Variants in NME7 observed in about 807,000 individuals in gnomAD.
The protein encoded by NME7 is nucleoside diphosphate kinase 7.
Under a neutral mutation model 49.1 loss-of-function variants are expected in NME7, and 41 were observed. The observed-to-expected ratio is 0.83, with a 90% CI of 0.65 to 1.08. The LOEUF is 1.08. Among genes scored for constraint, NME7 ranks in the 50% least tolerant of loss-of-function variants. NME7 has a pLI of 0.00. For synonymous variants in NME7, 139 were observed against 150.6 expected (o/e 0.92, Z 0.56); for missense variants, 423 against 463.4 (o/e 0.91, Z 0.80).
chr1:169,187,057 T>A (rs575577393), intron 10 of NME7, among the ~76,000 whole-genome samples: 226 of 152,326 alleles, frequency 1.5e-3, no homozygotes, highest in African/African-American at 5.2e-3. Flanking sequence ...AGTTTCCATG[T>A]AGTTGTGCAG....
At chr1:169,246,580 G>C (rs983418062) in intron 7 of NME7, among the ~76,000 whole-genome samples, 1 of 152,122 alleles carries the variant, frequency 6.6e-6, no homozygotes, top group Non-Finnish European at 1.5e-5. Flanking sequence ...TTACAAGGTA[G>C]TAAAAAGAGT....
At chr1:169,235,265 C>T in intron 8 of NME7, 66 bp from the exon 9 acceptor site, 2 of 730,468 alleles carry the variant, frequency 2.7e-6, no homozygotes, top group Non-Finnish European at 2.2e-6. Context: ...AAATAAGCCA[C>T]ACTTAGCACT....
intron 7 of NME7, among the ~76,000 whole-genome samples, chr1:169,265,641 A>G (rs977001367): frequency 9.0e-5 from 12 of 132,650 alleles, no homozygotes; most frequent in African/African-American, 3.0e-4. Flanking sequence ...CAAGAGCTAA[A>G]ATGGAGGAGA....
At chr1:169,248,932 T>A (rs952662501) in intron 7 of NME7, among the ~76,000 whole-genome samples, 3 of 151,980 alleles carry the variant, frequency 2.0e-5, no homozygotes, top group African/African-American at 7.2e-5. Context: ...CTTGTTTGTT[T>A]GTTTTTTTGC....
chr1:169,157,757 A>G (rs1659121568), intron 11 of NME7, among the ~76,000 whole-genome samples: 1 of 152,370 alleles, frequency 6.6e-6, no homozygotes, highest in Middle Eastern at 3.4e-3. Flanking sequence ...CTGTCAGTTA[A>G]GTCCTGAAAG....
At chr1:169,334,080 T>C (rs539728061) in intron 1 of NME7, among the ~76,000 whole-genome samples, 3 of 152,360 alleles carry the variant, frequency 2.0e-5, no homozygotes, top group East Asian at 1.9e-4. Context: ...ATGGATTCCA[T>C]AATGCATGAT....
chr1:169,269,633 T>G (rs946528198), intron 7 of NME7, among the ~76,000 whole-genome samples: 1 of 133,118 alleles, frequency 7.5e-6, no homozygotes, highest in Non-Finnish European at 1.8e-5. Context: ...CAGTGGATAG[T>G]AAAACTCTGA....
At chr1:169,352,150 A>C (rs1211397897) in intron 1 of NME7, among the ~76,000 whole-genome samples, 1 of 152,062 alleles carries the variant, frequency 6.6e-6, no homozygotes, top group East Asian at 1.9e-4. Context: ...ACTACAGAAC[A>C]ATATCTCTAA....
chr1:169,215,110 A>G (rs927658984), intron 10 of NME7, among the ~76,000 whole-genome samples: 3 of 152,214 alleles, frequency 2.0e-5, no homozygotes, highest in Non-Finnish European at 2.9e-5. Flanking sequence ...AGTAGCTCTC[A>G]GTGGAAAGGG....
At chr1:169,169,759 A>G (rs1659523131) in intron 10 of NME7, among the ~76,000 whole-genome samples, 1 of 152,228 alleles carries the variant, frequency 6.6e-6, no homozygotes, top group Non-Finnish European at 1.5e-5. Context: ...TTATCAATAG[A>G]TTATGGGAAT....
intron 1 of NME7, among the ~76,000 whole-genome samples, chr1:169,344,672 AT>A (rs1336056557): frequency 3.3e-5 from 5 of 152,096 alleles, no homozygotes; most frequent in Admixed American, 3.3e-4. Flanking sequence ...TGTTATATTC[AT>A]TGATTTTTGA....
At chr1:169,306,684 G>A (rs985896081) in intron 4 of NME7, among the ~76,000 whole-genome samples, 13 of 152,130 alleles carry the variant, frequency 8.5e-5, no homozygotes, top group Non-Finnish European at 1.9e-4. Flanking sequence ...GTGATCATAT[G>A]GACATGCATG....
intron 11 of NME7, among the ~76,000 whole-genome samples, chr1:169,141,193 C>T (rs2420009): frequency 1.3e-5 from 2 of 151,642 alleles, no homozygotes; most frequent in African/African-American, 4.8e-5. Flanking sequence ...TAGGTGCCTC[C>T]GAAATCAGAG....
intron 10 of NME7, among the ~76,000 whole-genome samples, chr1:169,194,007 AC>A (rs1660305530): frequency 6.6e-6 from 1 of 152,250 alleles, no homozygotes; most frequent in East Asian, 1.9e-4. Context: ...ACTGAAAGGC[AC>A]TTTTTATGAG....
At chr1:169,298,862 A>G in intron 5 of NME7, 99 bp from the exon 6 acceptor site, 2 of 957,508 alleles carry the variant, frequency 2.1e-6, no homozygotes, top group South Asian at 3.3e-5. Flanking sequence ...TTCAACATAG[A>G]CATGAATATT....
At chr1:169,325,646 C>T (rs889435574) in intron 1 of NME7, among the ~76,000 whole-genome samples, 2 of 152,018 alleles carry the variant, frequency 1.3e-5, no homozygotes, top group Non-Finnish European at 2.9e-5. Context: ...TCTGGATTTG[C>T]CATCTGATGC....
At chr1:169,159,703 C>T (rs569407000) in intron 11 of NME7, among the ~76,000 whole-genome samples, 2 of 152,232 alleles carry the variant, frequency 1.3e-5, no homozygotes, top group South Asian at 4.2e-4. Flanking sequence ...CCTTGGAGTC[C>T]GCAGGATAAG....
At chr1:169,193,703 A>T (rs1466035506) in intron 10 of NME7, among the ~76,000 whole-genome samples, 5 of 152,144 alleles carry the variant, frequency 3.3e-5, no homozygotes, top group African/African-American at 1.2e-4. Context: ...GCTATGCTCC[A>T]TTCCTAATGT....
chr1:169,134,235 T>A (rs1474493198), intron 11 of NME7, among the ~76,000 whole-genome samples: 1 of 152,222 alleles, frequency 6.6e-6, no homozygotes, highest in Non-Finnish European at 1.5e-5. Flanking sequence ...CCATCTTTTT[T>A]CCTCTGCTGC....
Sources: gnomAD v4.1 joint callset for allele counts (sites outside exome capture counted in the v4.1 genomes callset) on GRCh38, gnomAD v4.1.1 for gene constraint, MANE v1.5 for transcripts, NCBI Gene and HGNC (gene_info 2026-07-23, HGNC 2026-07-21) for gene names.